The following MSANTD7 variants were observed in gnomAD, a reference collection of about 807,000 sequenced individuals.
The protein encoded by MSANTD7 is zinc finger and SCAN domain containing 29.
chr10:14,840,403 G>A, the MSANTD7 span, among the ~76,000 whole-genome samples: 1 of 152,144 alleles, frequency 6.6e-6, no homozygotes, highest in Admixed American at 6.5e-5. Flanking sequence ...TTGCGTCAGA[G>A]GTGGTAATTT....
the MSANTD7 span, chr10:14,846,837 G>C: frequency 2.0e-6 from 2 of 985,398 alleles, no homozygotes; most frequent in Non-Finnish European, 2.4e-6. Context: ...AGGAGGAAGA[G>C]AAGATGGCAT....
At chr10:14,842,877 C>G in the MSANTD7 span, 1 of 1,421,508 alleles carries the variant, frequency 7.0e-7, no homozygotes, top group Non-Finnish European at 9.4e-7. The surrounding 1 kb of genome is among the most constrained non-coding windows in gnomAD (Gnocchi z 5.2). Flanking sequence ...GGAGTTGGGT[C>G]CCAGAGTCTT....
chr10:14,842,161 T>G, the MSANTD7 span: 1 of 1,534,868 alleles, frequency 6.5e-7, no homozygotes, highest in South Asian at 1.2e-5. The surrounding 1 kb of genome is among the most constrained non-coding windows in gnomAD (Gnocchi z 5.2). Context: ...GGACCTGGCT[T>G]CTCAGCAATT....
chr10:14,844,554 T>C, the MSANTD7 span: 108 of 986,206 alleles, frequency 1.1e-4, 1 homozygote, highest in Middle Eastern at 5.2e-4. Flanking sequence ...ATCTGACATA[T>C]CTACTAGTAA....
the MSANTD7 span, among the ~76,000 whole-genome samples, chr10:14,841,734 G>C: frequency 3.9e-5 from 6 of 152,200 alleles, no homozygotes; most frequent in Non-Finnish European, 8.8e-5. Context: ...GGCCCACACT[G>C]ACAGTCAGAT....
At chr10:14,842,504 T>A in the MSANTD7 span, 14 of 1,536,008 alleles carry the variant, frequency 9.1e-6, no homozygotes, top group Non-Finnish European at 1.0e-5. The surrounding 1 kb of genome is among the most constrained non-coding windows in gnomAD (Gnocchi z 5.2). Context: ...GGCATTATAT[T>A]TAAAGGCCTA....
chr10:14,844,439 A>G, the MSANTD7 span: 30 of 992,242 alleles, frequency 3.0e-5, no homozygotes, highest in Admixed American at 5.5e-5. Context: ...TGACTGCTTC[A>G]TGGAGTTTGA....
chr10:14,838,787 C>T, the MSANTD7 span, among the ~76,000 whole-genome samples: 1 of 152,032 alleles, frequency 6.6e-6, no homozygotes, highest in Non-Finnish European at 1.5e-5. Context: ...AGCGGGGCCG[C>T]TGGGTGTCCC....
chr10:14,843,484 C>G, the MSANTD7 span: 3 of 1,550,608 alleles, frequency 1.9e-6, no homozygotes, highest in Non-Finnish European at 2.6e-6. Context: ...GGAGCCCAGC[C>G]CCTGCACCAG....
At chr10:14,844,630 A>G in the MSANTD7 span, 6 of 985,164 alleles carry the variant, frequency 6.1e-6, no homozygotes, top group Non-Finnish European at 7.2e-6. Flanking sequence ...TATCAATATA[A>G]GGAAATAAGA....
the MSANTD7 span, chr10:14,842,200 T>A: frequency 3.3e-6 from 5 of 1,535,218 alleles, no homozygotes. The surrounding 1 kb of genome is among the most constrained non-coding windows in gnomAD (Gnocchi z 5.2). Context: ...CCTGGAGATA[T>A]CCTGAGAGCA....
the MSANTD7 span, chr10:14,842,679 G>T: frequency 9.1e-6 from 14 of 1,536,314 alleles, no homozygotes; most frequent in Non-Finnish European, 1.2e-5. This position sits in a 1 kb window ranked among gnomAD's most constrained non-coding sequence, Gnocchi z 5.2. Flanking sequence ...GACGCCCCAG[G>T]GGAAGAGGGA....
the MSANTD7 span, chr10:14,842,561 T>G: frequency 6.5e-7 from 1 of 1,536,164 alleles, no homozygotes; most frequent in Non-Finnish European, 8.7e-7. The surrounding 1 kb of genome is among the most constrained non-coding windows in gnomAD (Gnocchi z 5.2). Flanking sequence ...CTGTCCATTT[T>G]ATGATACGTT....
chr10:14,843,587 T>C, the MSANTD7 span: 1 of 1,550,520 alleles, frequency 6.4e-7, no homozygotes, highest in Non-Finnish European at 8.7e-7. Context: ...GATAGGCCCT[T>C]GACCAGTGAG....
the MSANTD7 span, among the ~76,000 whole-genome samples, chr10:14,839,498 G>A: frequency 1.3e-5 from 2 of 151,442 alleles, no homozygotes. Flanking sequence ...CCGGGAGGCG[G>A]AAGTTGCAGT....
the MSANTD7 span, chr10:14,846,361 A>G: frequency 2.0e-6 from 2 of 985,306 alleles, no homozygotes; most frequent in Admixed American, 6.1e-5. Flanking sequence ...GGAGTGCTGA[A>G]GAAGAGCATT....
chr10:14,839,826 G>A, the MSANTD7 span: 1 of 989,642 alleles, frequency 1.0e-6, no homozygotes, highest in Non-Finnish European at 1.5e-6. Context: ...CCACACAGAT[G>A]GCAAAGTAAC....
chr10:14,838,669 C>G, the MSANTD7 span: 1 of 524,920 alleles, frequency 1.9e-6, no homozygotes, highest in Non-Finnish European at 3.3e-6. Flanking sequence ...GCGGCGGAGG[C>G]TCGCGGCGAT....
At chr10:14,846,798 C>A in the MSANTD7 span, 1 of 985,250 alleles carries the variant, frequency 1.0e-6, no homozygotes, top group Non-Finnish European at 1.2e-6. Context: ...AGCCCGTGGG[C>A]TGTTGACCGT....
Sources: gnomAD v4.1 joint callset for allele counts (sites outside exome capture counted in the v4.1 genomes callset) on GRCh38, gnomAD v4.1.1 for gene constraint, Gnocchi (gnomAD v3.1) non-coding constraint, MANE v1.5 for transcripts, NCBI Gene and HGNC (gene_info 2026-07-23, HGNC 2026-07-21) for gene names.